Variants in NUP35 observed in about 807,000 individuals in gnomAD.
NUP35 encodes the protein nucleoporin NUP35.
In NUP35, 25 loss-of-function variants were observed where a neutral mutation model predicts 41.5. That is an observed-to-expected ratio of 0.60 (90% confidence interval 0.44 to 0.84). The LOEUF is 0.84. Ranked by LOEUF, NUP35 falls within the 40% of genes least tolerant of loss-of-function variation. The pLI is 0.00. For missense variants in NUP35, 396 were observed against 396.6 expected (o/e 1.00, Z 0.01); for synonymous variants, 149 against 130.7 (o/e 1.14, Z -0.96).
intron 4 of NUP35, among the ~76,000 whole-genome samples, chr2:183,138,267 ATATTTTTTT>A (rs1684960352): frequency 2.7e-5 from 2 of 74,040 alleles, no homozygotes; most frequent in Non-Finnish European, 4.9e-5. Context: ...ATATATATAT[ATATTTTTTT>A]TTTTTTTTAG....
At chr2:183,123,876 T>C (rs1255852762), upstream of NUP35, 5 of 920,424 alleles carry the variant, frequency 5.4e-6, no homozygotes, top group African/African-American at 9.0e-5. Context: ...ATGCGTTCGT[T>C]AGCTATATTT....
chr2:183,132,142 T>A (rs1684716460), intron 3 of NUP35, among the ~76,000 whole-genome samples: 1 of 152,012 alleles, frequency 6.6e-6, no homozygotes, highest in African/African-American at 2.4e-5. Context: ...TCCCACCTCT[T>A]CTCCCTAGTA....
At chr2:183,154,172 C>T (rs1454505737) in intron 5 of NUP35, among the ~76,000 whole-genome samples, 1 of 152,206 alleles carries the variant, frequency 6.6e-6, no homozygotes, top group African/African-American at 2.4e-5. Flanking sequence ...GCTTTTTCCT[C>T]CTGGGCCTCC....
At chr2:183,152,467 AT>A (rs1220530529) in intron 5 of NUP35, among the ~76,000 whole-genome samples, 1 of 152,068 alleles carries the variant, frequency 6.6e-6, no homozygotes, top group Non-Finnish European at 1.5e-5. Context: ...CCCAAAGTCC[AT>A]TGCATCATTC....
In NUP35 at chr2:183,145,673, A is replaced by G. The variant is rs571940629; in HGVS notation, c.398-5835A>G. Among the ~76,000 whole-genome samples the G allele has an allele frequency of 1.4e-3, 207 of 152,192 alleles. 3 individuals carry two copies. Among genetic ancestry groups the G allele is most frequent in the Non-Finnish European group, 1.2e-3 (81 of 68,026 alleles). On this transcript the variant is annotated intron_variant, in intron 4 of 8. Transcript: ENST00000295119. Reference sequence around the variant, plus strand: ...CATCTATAATGAACCTTAACACAAGACTTAGGTGTTACTCCAACAATAAAA... The same window carrying G: ...CATCTATAATGAACCTTAACACAAGGCTTAGGTGTTACTCCAACAATAAAA...
intron 4 of NUP35, among the ~76,000 whole-genome samples, chr2:183,149,436 G>GT (rs36111843): frequency 0.17 from 25,207 of 152,026 alleles, 2,498 homozygotes; most frequent in African/African-American, 0.27. Flanking sequence ...CATTGTTTTT[G>GT]TTTTAAAAAT....
Position 183,157,040 on chromosome 2 carries a change from G to C in NUP35, c.540-404G>C, listed in dbSNP as rs540416905. 1.2e-3 allele frequency among the ~76,000 whole-genome samples: 179 copies of C among 152,058 alleles called. 3 individuals carry two copies. The highest frequency in any genetic ancestry group is 5.8e-4 in the East Asian group (3 of 5,180). ...AGTGATGCTCAATGTATAATGATTC[G>C]TTTATAATTTAAAATTCTTTATCTT... is the stretch of plus-strand genomic sequence containing the variant. On this transcript the variant is annotated intron_variant, in intron 5 of 8. Coordinates refer to ENST00000295119, the MANE Select transcript of NUP35 (RefSeq NM_138285.5).
chr2:183,154,567 C>G (rs938922107), intron 5 of NUP35, among the ~76,000 whole-genome samples: 10 of 152,154 alleles, frequency 6.6e-5, no homozygotes, highest in African/African-American at 2.4e-4. Context: ...CACCTTTGCT[C>G]CAGTCGCCAA....
chr2:183,150,114 C>T (rs895599901), intron 4 of NUP35, among the ~76,000 whole-genome samples: 3 of 152,060 alleles, frequency 2.0e-5, no homozygotes, highest in African/African-American at 7.2e-5. Context: ...ACCATGTTGG[C>T]CAAGCCAGTC....
intron 7 of NUP35, 101 bp downstream of exon 7, chr2:183,158,512 G>GT (rs1685756951): frequency 7.9e-6 from 8 of 1,012,334 alleles, no homozygotes; most frequent in Non-Finnish European, 1.1e-5. Context: ...CACTGTGTCT[G>GT]TTTTTCTTAG....
chr2:183,149,742 C>T (rs1295236628), intron 4 of NUP35, among the ~76,000 whole-genome samples: 3 of 152,192 alleles, frequency 2.0e-5, no homozygotes, highest in South Asian at 2.1e-4. Context: ...CTTTGGATTC[C>T]GATTGCCTGG....
At chr2:183,150,754 G>C (rs1685444543) in intron 4 of NUP35, among the ~76,000 whole-genome samples, 1 of 152,074 alleles carries the variant, frequency 6.6e-6, no homozygotes, top group Non-Finnish European at 1.5e-5. Flanking sequence ...TCAATACCTA[G>C]GTTGATGCTT....
At chr2:183,142,036 G>A (rs1685113041) in intron 4 of NUP35, among the ~76,000 whole-genome samples, 1 of 152,178 alleles carries the variant, frequency 6.6e-6, no homozygotes, top group South Asian at 2.1e-4. Flanking sequence ...GGGTAGGTTG[G>A]AATTTTGGAG....
intron 2 of NUP35, among the ~76,000 whole-genome samples, chr2:183,128,767 C>T (rs539673516): frequency 3.1e-4 from 47 of 150,784 alleles, no homozygotes; most frequent in African/African-American, 7.5e-4. Context: ...CATTCACCCT[C>T]ATCAATACAT....
upstream of NUP35, among the ~76,000 whole-genome samples, chr2:183,123,521 C>A (rs1483291311): frequency 6.6e-6 from 1 of 152,170 alleles, no homozygotes; most frequent in Non-Finnish European, 1.5e-5. Context: ...AGACAAAATT[C>A]TTCCTCCATT....
intron 4 of NUP35, among the ~76,000 whole-genome samples, chr2:183,147,444 C>T (rs913412441): frequency 6.6e-6 from 1 of 152,068 alleles, no homozygotes; most frequent in African/African-American, 2.4e-5. Flanking sequence ...AGTAAGGCAT[C>T]CTTTATCCAT....
At chr2:183,133,807 CA>C (rs1309223048) in intron 4 of NUP35, among the ~76,000 whole-genome samples, 184 bp downstream of exon 4, 193 of 152,074 alleles carry the variant, frequency 1.3e-3, no homozygotes, top group African/African-American at 4.4e-3. Flanking sequence ...TTTTATATTT[CA>C]AACTTGGAGA....
chr2:183,151,750 C>A, intron 5 of NUP35, 101 bp downstream of exon 5: 2 of 1,081,546 alleles, frequency 1.8e-6, no homozygotes, highest in Non-Finnish European at 2.7e-6. Context: ...GCATAGCAAA[C>A]ACCCATATTA....
At chr2:183,121,895 ATAAGT>A (rs1045026466), upstream of NUP35, among the ~76,000 whole-genome samples, 15 of 88,756 alleles carry the variant, frequency 1.7e-4, no homozygotes, top group African/African-American at 4.1e-4. Context: ...ATTGTATAAA[ATAAGT>A]TAAAGGCCAT....
Sources: gnomAD v4.1 joint callset for allele counts (sites outside exome capture counted in the v4.1 genomes callset) on GRCh38, gnomAD v4.1.1 for gene constraint, MANE v1.5 for transcripts, NCBI Gene and HGNC (gene_info 2026-07-23, HGNC 2026-07-21) for gene names.